SCLY: variants seen among roughly 807,000 people sequenced by gnomAD.
SCLY encodes the protein selenocysteine lyase, also known as putative selenocysteine lyase.
In SCLY, 38 loss-of-function variants were observed where a neutral mutation model predicts 50.1. The observed-to-expected ratio is 0.76, with a 90% CI of 0.59 to 0.99. The LOEUF is 0.99. Among genes scored for constraint, SCLY ranks in the 50% least tolerant of loss-of-function variants. The probability of loss-of-function intolerance (pLI) is 0.00; values close to 1 mark genes in which losing one functional copy is unlikely to be tolerated. For synonymous variants in SCLY, 243 were observed against 249.4 expected (o/e 0.97, Z 0.24); for missense variants, 600 against 620.0 (o/e 0.97, Z 0.34).
chr2:238,071,023 G>T (rs904675526), intron 4 of SCLY, among the ~76,000 whole-genome samples: 17 of 151,822 alleles, frequency 1.1e-4, no homozygotes, highest in Non-Finnish European at 4.4e-5. Flanking sequence ...AGAGAGATGG[G>T]GTTTCACCAT....
intron 4 of SCLY, among the ~76,000 whole-genome samples, chr2:238,073,141 C>G (rs555053421): frequency 6.6e-6 from 1 of 152,260 alleles, no homozygotes; most frequent in South Asian, 2.1e-4. Context: ...ATGGTCTTGG[C>G]ACCCTTATTG....
chr2:238,070,360 T>G (rs1472126134), intron 4 of SCLY, among the ~76,000 whole-genome samples: 1 of 152,210 alleles, frequency 6.6e-6, no homozygotes, highest in East Asian at 1.9e-4. Context: ...ACTGCTTGGT[T>G]TGACTATGAA....
rs759726342 is a variant in SCLY at position 238,068,073 on chromosome 2, G to T, written c.211G>T (p.Ala71Ser). 34 of 1,611,656 alleles carry T rather than the reference G, an allele frequency of 2.1e-5. 1 individual carries two copies. In the South Asian group the frequency reaches 3.4e-4, roughly 16 times the overall value. ...PSSPYSAGRKAKDIINAARES... is the reference protein window; with the variant it reads ...PSSPYSAGRKSKDIINAARES... The stretch of plus-strand genomic sequence containing the variant: ...CTTTTTGGTCCCTCAAGGAAGAAAG[G>T]CCAAGGATATTATAAATGCAGCTCG... Residue 71 changes from alanine (A) to serine (S), a missense_variant, in exon 3 of 12, where the codon GCC (alanine) becomes TCC (serine). By Grantham distance (99) the Ala-to-Ser change is moderately conservative. Transcript: ENST00000254663.
chr2:238,088,788 A>G (rs931949010), intron 7 of SCLY, among the ~76,000 whole-genome samples: 1 of 152,244 alleles, frequency 6.6e-6, no homozygotes, highest in Non-Finnish European at 1.5e-5. Flanking sequence ...AAGAACATCT[A>G]CATAAAACCT....
chr2:238,084,378 G>A (rs924972849), intron 7 of SCLY, among the ~76,000 whole-genome samples: 2 of 151,580 alleles, frequency 1.3e-5, no homozygotes, highest in Admixed American at 6.6e-5. Flanking sequence ...ATCACTTGGG[G>A]TCAGGAGTTT....
chr2:238,085,736 A>C (rs539049949), intron 7 of SCLY, among the ~76,000 whole-genome samples: 54 of 152,196 alleles, frequency 3.5e-4, no homozygotes, highest in Admixed American at 1.5e-3. Flanking sequence ...AAATAAAAAG[A>C]ATGGGGTTTA....
At position 238,061,053 on chromosome 2, in the gene SCLY, G is replaced by C. The variant is rs1260147103; in HGVS notation, c.-2G>C. 1 of 1,386,730 alleles carries C rather than the reference G, an allele frequency of 7.2e-7. No individual in the cohort carries two copies. The highest frequency in any genetic ancestry group is 1.5e-5 in the African/African-American group (1 of 65,476). 85.9% of individuals were successfully genotyped at this position (1,386,730 alleles called of 1,614,324 possible). A position where few individuals can be genotyped will look rare whatever the true frequency, so the allele number is the denominator to read the frequency against. On this transcript the variant is annotated 5_prime_UTR_variant, in exon 1 of 12. Coordinates refer to ENST00000254663, the MANE Select transcript of SCLY (RefSeq NM_016510.7). Reference sequence around the variant, plus strand: ...TGGATGCCCGGCAGCAGTGGGGCGGGGATGGAGGCGGCCGTGGCGCCGGGG... The same window carrying C: ...TGGATGCCCGGCAGCAGTGGGGCGGCGATGGAGGCGGCCGTGGCGCCGGGG...
intron 9 of SCLY, 86 bp downstream of exon 9, chr2:238,094,030 C>G (rs79834933): frequency 3.3e-6 from 4 of 1,208,644 alleles, no homozygotes; most frequent in Non-Finnish European, 4.8e-6. Flanking sequence ...CTCCCAGACC[C>G]CAGGACCTGT....
intron 7 of SCLY, among the ~76,000 whole-genome samples, chr2:238,086,928 A>C (rs2065303826): frequency 6.6e-6 from 1 of 151,450 alleles, no homozygotes; most frequent in Admixed American, 6.6e-5. Context: ...CTGAGGCAGG[A>C]GAATCGCTTG....
intron 7 of SCLY, among the ~76,000 whole-genome samples, chr2:238,087,727 T>G (rs1337613720): frequency 2.0e-5 from 3 of 151,992 alleles, no homozygotes; most frequent in Non-Finnish European, 4.4e-5. Context: ...CAGACCAACA[T>G]CCTCATGAAT....
At position 238,067,149 on chromosome 2, in the gene SCLY, C is replaced by T. The variant is rs989612097; in HGVS notation, c.203-916C>T. On this transcript the variant is annotated intron_variant, in intron 2 of 11. Coordinates refer to ENST00000254663, the MANE Select transcript of SCLY (RefSeq NM_016510.7). The surrounding 1 kb of genome is among the most constrained non-coding windows in gnomAD (Gnocchi z 4.3). The stretch of plus-strand genomic sequence containing the variant: ...TGAGAGTGAGGGTGACAGTTTATTA[C>T]GGTGACTTTTAGTGTCACCAAGAAA... Among the ~76,000 whole-genome samples the T allele has an allele frequency of 9.9e-5, 15 of 152,094 alleles. No individual in the cohort carries two copies. The highest frequency in any genetic ancestry group is 1.2e-4 in the African/African-American group (5 of 41,420).
intron 7 of SCLY, among the ~76,000 whole-genome samples, chr2:238,089,976 G>T (rs536068604): frequency 6.6e-6 from 1 of 151,982 alleles, no homozygotes; most frequent in African/African-American, 2.4e-5. Context: ...TAAGAGGATG[G>T]GAAGATAAGC....
chr2:238,065,367 T>G (rs2106435563), intron 2 of SCLY, among the ~76,000 whole-genome samples: 1 of 152,314 alleles, frequency 6.6e-6, no homozygotes, highest in East Asian at 1.9e-4. Flanking sequence ...TTCTGACGTA[T>G]TAGACTTGAA....
intron 7 of SCLY, among the ~76,000 whole-genome samples, chr2:238,086,122 C>CA (rs750782364): frequency 2.2e-4 from 33 of 152,286 alleles, no homozygotes; most frequent in Non-Finnish European, 2.9e-4. Flanking sequence ...TTCAAGTGCT[C>CA]AGAGAAAACC....
chr2:238,091,542 A>AC, intron 8 of SCLY: 32 of 361,554 alleles, frequency 8.9e-5, no homozygotes, highest in South Asian at 4.6e-4. Context: ...GTCAAGCTGC[A>AC]GGTTCACCAT....
intron 1 of SCLY, among the ~76,000 whole-genome samples, chr2:238,063,145 G>A (rs2065033526): frequency 6.6e-6 from 1 of 152,166 alleles, no homozygotes; most frequent in South Asian, 2.1e-4. Context: ...AACAAGTCTG[G>A]TATGTCAGAT....
intron 8 of SCLY, chr2:238,093,417 T>C: frequency 4.5e-6 from 1 of 219,814 alleles, no homozygotes. Context: ...GCCCCTCTGT[T>C]CTAGAGACAG....
chr2:238,097,227 G>A (rs1019529031), intron 11 of SCLY, among the ~76,000 whole-genome samples: 1 of 152,104 alleles, frequency 6.6e-6, no homozygotes, highest in Non-Finnish European at 1.5e-5. Flanking sequence ...TAAACCTCAT[G>A]GAAGTGGGAG....
chr2:238,098,621 G>GACCGCCCACATGGGACCGCCCACATAGA lies in SCLY; in HGVS notation c.*291_*292insAGAACCGCCCACATGGGACCGCCCACAT, dbSNP rs1691330189. 6.5e-5 allele frequency: 20 copies of GACCGCCCACATGGGACCGCCCACATAGA among 308,630 alleles called. 1 individual carries two copies. The highest frequency in any genetic ancestry group is 1.1e-4 in the Non-Finnish European group (18 of 171,248). 19.1% of individuals were successfully genotyped at this position (308,630 alleles called of 1,614,324 possible). A position where few individuals can be genotyped will look rare whatever the true frequency, so the allele number is the denominator to read the frequency against. ...CGCCCACATAGGACCGCCCACATGG[G>GACCGCCCACATGGGACCGCCCACATAGA]ACCGCCCACATGGGACCGCCCACAT... On this transcript the variant is annotated 3_prime_UTR_variant, in exon 12 of 12. Transcript: ENST00000254663.
Sources: allele counts gnomAD v4.1 joint callset (sites outside exome capture counted in the v4.1 genomes callset), GRCh38; gene constraint gnomAD v4.1.1; non-coding constraint Gnocchi (gnomAD v3.1); transcripts MANE v1.5; gene names NCBI Gene and HGNC (gene_info 2026-07-23, HGNC 2026-07-21).